C12orf50: variants seen among roughly 807,000 people sequenced by gnomAD.
The protein encoded by C12orf50 is uncharacterized protein C12orf50.
A neutral mutation model predicts 61.6 loss-of-function variants in C12orf50; 35 were observed. The observed-to-expected ratio is 0.57, with a 90% CI of 0.43 to 0.75. The LOEUF is 0.75. Ranked by LOEUF, C12orf50 falls within the 30% of genes least tolerant of loss-of-function variation. The pLI, the probability that C12orf50 is intolerant of heterozygous loss-of-function variation, is 0.00. For missense variants in C12orf50, 475 were observed against 488.5 expected (o/e 0.97, Z 0.26); for synonymous variants, 178 against 161.5 (o/e 1.10, Z -0.77).
intron 3 of C12orf50, among the ~76,000 whole-genome samples, chr12:88,011,320 A>G (rs903835316): frequency 2.0e-5 from 3 of 152,130 alleles, no homozygotes; most frequent in Admixed American, 2.0e-4. Flanking sequence ...ACTATTAGGG[A>G]TGAGCACATT....
At chr12:88,024,613 T>A (rs11104720) in intron 3 of C12orf50, among the ~76,000 whole-genome samples, 12,129 of 152,006 alleles carry the variant, frequency 0.08, 509 homozygotes, top group African/African-American at 0.087. Context: ...CTGTGGCCTA[T>A]TTGAGGGTGG....
At chr12:88,030,168 T>C (rs1322636250), upstream of C12orf50, 3 of 190,092 alleles carry the variant, frequency 1.6e-5, no homozygotes, top group South Asian at 1.9e-4. Flanking sequence ...AGAGGTTTAA[T>C]TGGACTTACA....
At chr12:87,990,076 G>C (rs977808018) in intron 7 of C12orf50, among the ~76,000 whole-genome samples, 18 of 152,016 alleles carry the variant, frequency 1.2e-4, no homozygotes, top group African/African-American at 4.4e-4. Flanking sequence ...AAACATTGTG[G>C]CCAAAAAAAC....
intron 3 of C12orf50, among the ~76,000 whole-genome samples, chr12:88,002,683 C>T (rs920081302): frequency 1.3e-5 from 2 of 151,130 alleles, no homozygotes; most frequent in South Asian, 2.1e-4. Flanking sequence ...AATTTTTTAC[C>T]CATTCACATT....
chr12:87,988,656 C>T (rs66516556), intron 8 of C12orf50, among the ~76,000 whole-genome samples: 17,428 of 152,116 alleles, frequency 0.11, 1,168 homozygotes, highest in African/African-American at 0.18. Context: ...GGCAACCTTT[C>T]CTATGCTTGA....
intron 11 of C12orf50, chr12:87,984,734 C>G (rs1410078503): frequency 1.3e-5 from 2 of 152,150 alleles, no homozygotes; most frequent in Non-Finnish European, 2.9e-5. Flanking sequence ...ATTTGCATTT[C>G]TCTTGTGTTG....
intron 3 of C12orf50, among the ~76,000 whole-genome samples, chr12:88,023,807 T>G (rs2032607598): frequency 1.3e-5 from 2 of 151,896 alleles, no homozygotes; most frequent in African/African-American, 4.8e-5. Flanking sequence ...TTAATTAAAC[T>G]AAAGAGTTTC....
chr12:88,013,343 T>C (rs899273932), intron 3 of C12orf50, among the ~76,000 whole-genome samples: 1 of 152,156 alleles, frequency 6.6e-6, no homozygotes, highest in African/African-American at 2.4e-5. Context: ...TTAAACAAGA[T>C]TGTCAGGTGA....
chr12:87,989,476 T>C, intron 7 of C12orf50, 105 bp from the exon 8 acceptor site: 1 of 719,142 alleles, frequency 1.4e-6, no homozygotes, highest in Non-Finnish European at 2.4e-6. Context: ...TCACCTTTCT[T>C]TGGACACTTC....
chr12:88,009,770 A>G (rs772798642), intron 3 of C12orf50, among the ~76,000 whole-genome samples: 2 of 152,160 alleles, frequency 1.3e-5, no homozygotes. Context: ...CCTTGGAGTC[A>G]CATAAGCACA....
At chr12:88,012,023 A>G (rs10858681) in intron 3 of C12orf50, among the ~76,000 whole-genome samples, 12,991 of 152,274 alleles carry the variant, frequency 0.085, 601 homozygotes, top group African/African-American at 0.11. Context: ...TTTGCTTCAC[A>G]GCAAATGACA....
intron 3 of C12orf50, among the ~76,000 whole-genome samples, chr12:88,005,445 A>G (rs768671367): frequency 6.6e-6 from 1 of 152,118 alleles, no homozygotes; most frequent in South Asian, 2.1e-4. Flanking sequence ...CTCTGTTGGT[A>G]TCACACTGAG....
rs572366366 is a variant in C12orf50, at chr12:88,029,360, C to T, written c.-129G>A. The stretch of plus-strand genomic sequence containing the variant: ...GATACCTTCTCTAGCTTTGCAGAAA[C>T]GCTGAAAGTGGTTGCTAGTAAGCAC... On this transcript the variant is annotated 5_prime_UTR_variant, in exon 1 of 13. Coordinates refer to ENST00000298699, the MANE Select transcript of C12orf50 (RefSeq NM_152589.3). 2.2e-4 allele frequency: 39 copies of T among 175,192 alleles called. 1 individual carries two copies. Among genetic ancestry groups the T allele is most frequent in the East Asian group, 1.1e-3 (7 of 6,226 alleles). The allele number at this position is 175,192 out of a possible 1,614,324, so 10.9% of individuals were successfully genotyped here.
chr12:87,997,352 C>A (rs2136432026), intron 4 of C12orf50, among the ~76,000 whole-genome samples: 1 of 152,098 alleles, frequency 6.6e-6, no homozygotes, highest in African/African-American at 2.4e-5. Context: ...ATATAAAAAA[C>A]ATAGCTTATT....
At chr12:87,992,404 G>GTA (rs1158142139) in intron 7 of C12orf50, among the ~76,000 whole-genome samples, 7 of 151,880 alleles carry the variant, frequency 4.6e-5, no homozygotes, top group East Asian at 1.9e-4. Context: ...TCAACTGTGT[G>GTA]TATATATATA....
intron 3 of C12orf50, among the ~76,000 whole-genome samples, chr12:88,024,736 T>C (rs2032640320): frequency 6.6e-6 from 1 of 152,012 alleles, no homozygotes; most frequent in Admixed American, 6.6e-5. Context: ...TTTACCTATA[T>C]AACAATCCTG....
At chr12:87,995,276 G>T (rs2031330668) in intron 6 of C12orf50, among the ~76,000 whole-genome samples, 1 of 151,470 alleles carries the variant, frequency 6.6e-6, no homozygotes, top group African/African-American at 2.4e-5. Context: ...CCTAGACTAG[G>T]GGAAAAAATT....
chr12:88,013,963 G>A (rs1037958371), intron 3 of C12orf50, among the ~76,000 whole-genome samples: 4 of 152,054 alleles, frequency 2.6e-5, no homozygotes, highest in Non-Finnish European at 5.9e-5. Context: ...AGCTTCACGT[G>A]ATATAAGAGA....
chr12:88,008,785 T>C (rs1223279928), intron 3 of C12orf50, among the ~76,000 whole-genome samples: 3 of 152,168 alleles, frequency 2.0e-5, no homozygotes, highest in Non-Finnish European at 4.4e-5. Context: ...ATACCCACAA[T>C]AGGTATCTTC....
Sources: gnomAD v4.1 joint callset for allele counts (sites outside exome capture counted in the v4.1 genomes callset) on GRCh38, gnomAD v4.1.1 for gene constraint, MANE v1.5 for transcripts, NCBI Gene and HGNC (gene_info 2026-07-23, HGNC 2026-07-21) for gene names.